EXT2: variants seen among roughly 807,000 people sequenced by gnomAD.
EXT2 encodes exostosin-2.
EXT2 carries 53 observed loss-of-function variants against 81.6 expected under a neutral mutation model. The ratio of observed to expected loss-of-function variants is 0.65; its 90% CI spans 0.52 to 0.82. The LOEUF is 0.82. EXT2 is among the 40% of genes least tolerant of loss of function. The pLI, the probability that EXT2 is intolerant of heterozygous loss-of-function variation, is 0.00. For synonymous variants in EXT2, 320 were observed against 340.0 expected (o/e 0.94, Z 0.65); for missense variants, 774 against 910.2 (o/e 0.85, Z 1.93).
intron 7 of EXT2, among the ~76,000 whole-genome samples, chr11:44,135,299 G>C (rs1332534075): frequency 6.6e-6 from 1 of 152,000 alleles, no homozygotes; most frequent in Non-Finnish European, 1.5e-5. Context: ...GTTTGGAAGA[G>C]ACACATTTAA....
At chr11:44,213,062 GA>G (rs1023995587) in intron 10 of EXT2, among the ~76,000 whole-genome samples, 15 of 150,818 alleles carry the variant, frequency 9.9e-5, no homozygotes, top group East Asian at 9.7e-4. Context: ...TTCAAAACTT[GA>G]AAAAAAAATT....
At chr11:44,171,121 C>T (rs1483571336) in intron 7 of EXT2, among the ~76,000 whole-genome samples, 2 of 152,058 alleles carry the variant, frequency 1.3e-5, no homozygotes, top group Non-Finnish European at 2.9e-5. Context: ...GAGCAGACAC[C>T]ACAATTGTAA....
intron 7 of EXT2, among the ~76,000 whole-genome samples, chr11:44,137,948 T>G (rs1035448749): frequency 6.6e-6 from 1 of 152,162 alleles, no homozygotes; most frequent in African/African-American, 2.4e-5. Context: ...ACATAAATTA[T>G]AAGGCCAGGA....
intron 8 of EXT2, among the ~76,000 whole-genome samples, chr11:44,182,807 A>T (rs1304259713): frequency 1.3e-5 from 2 of 152,200 alleles, no homozygotes; most frequent in African/African-American, 4.8e-5. Flanking sequence ...TAATCTGTAG[A>T]TCTTATTTCG....
chr11:44,187,251 C>T (rs1267772489), intron 8 of EXT2, among the ~76,000 whole-genome samples: 1 of 151,570 alleles, frequency 6.6e-6, no homozygotes, highest in Non-Finnish European at 1.5e-5. Context: ...GATCACAGCT[C>T]ACTGCAGCCT....
chr11:44,111,297 G>T (rs1954138973), intron 3 of EXT2, among the ~76,000 whole-genome samples: 1 of 151,966 alleles, frequency 6.6e-6, no homozygotes, highest in Admixed American at 6.6e-5. Flanking sequence ...TTGTGCAAGG[G>T]TCGAACAGCA....
chr11:44,199,612 G>A (rs887047389), intron 9 of EXT2, among the ~76,000 whole-genome samples: 20 of 152,366 alleles, frequency 1.3e-4, no homozygotes, highest in African/African-American at 4.3e-4. Context: ...ATGCAAAAGA[G>A]GCTTCTCCTT....
chr11:44,233,726 G>T (rs1955925146), intron 11 of EXT2, among the ~76,000 whole-genome samples: 1 of 151,984 alleles, frequency 6.6e-6, no homozygotes. Flanking sequence ...TCCAGAAATG[G>T]GTTTTTTTAT....
intron 2 of EXT2, 80 bp from the exon 3 acceptor site, chr11:44,109,114 G>C: frequency 6.7e-7 from 1 of 1,493,312 alleles, no homozygotes; most frequent in Non-Finnish European, 9.3e-7. Flanking sequence ...GGGGATCCTT[G>C]ATAGTTGTTG....
intron 7 of EXT2, among the ~76,000 whole-genome samples, chr11:44,135,659 T>C (rs1954555886): frequency 6.6e-6 from 1 of 152,178 alleles, no homozygotes; most frequent in East Asian, 1.9e-4. Context: ...CCCAAAGTGC[T>C]GGGATTACAG....
rs540304017 is a variant in EXT2 at position 44,207,032 on chromosome 11, G to A, written c.1662+73G>A. 1.9e-5 allele frequency: 29 copies of A among 1,507,046 alleles called. No homozygotes were observed. In the African/African-American group the frequency reaches 3.7e-4, roughly 19 times the overall value. The allele number at this position is 1,507,046 out of a possible 1,614,324, so 93.4% of individuals were successfully genotyped here. On this transcript the variant is annotated intron_variant, in intron 10 of 13. Transcript: ENST00000533608. ...ATGACTGCTTGTCTTTTCTAAAAAAGAGTATTATATTTCCTTCTTAAAAGT... is the reference window on the plus strand; with the variant it reads ...ATGACTGCTTGTCTTTTCTAAAAAAAAGTATTATATTTCCTTCTTAAAAGT...
intron 7 of EXT2, among the ~76,000 whole-genome samples, chr11:44,149,522 T>C (rs545994842): frequency 6.6e-6 from 1 of 152,358 alleles, no homozygotes; most frequent in South Asian, 2.1e-4. Context: ...GTAAAGAGCT[T>C]GTAAATACGT....
chr11:44,113,921 G>T (rs1954181608), intron 3 of EXT2, among the ~76,000 whole-genome samples: 1 of 152,140 alleles, frequency 6.6e-6, no homozygotes, highest in South Asian at 2.1e-4. Flanking sequence ...TCCGTAAGGT[G>T]TCCTCTGGAC....
At chr11:44,128,940 G>A (rs576769574) in intron 6 of EXT2, among the ~76,000 whole-genome samples, 5 of 152,344 alleles carry the variant, frequency 3.3e-5, no homozygotes, top group African/African-American at 1.2e-4. Flanking sequence ...CACACTTTCC[G>A]TCCTAATGGA....
Position 44,249,948 on chromosome 11 carries a change from T to TGGC in EXT2, c.*5661_*5662insGGC, listed in dbSNP as rs1488200569. Among the ~76,000 whole-genome samples the TGGC allele has an allele frequency of 6.6e-6, 1 of 152,184 alleles. No individual in the cohort carries two copies. Among genetic ancestry groups the TGGC allele is most frequent in the East Asian group, 1.9e-4 (1 of 5,194 alleles). On this transcript the variant is annotated 3_prime_UTR_variant, in exon 14 of 14. Transcript: ENST00000533608. ...AGCCGGGCATAGTGGCAGGCACCTGTAGCCCCAGCTACTCGGGAGGCTGAG... is the reference window on the plus strand; with the variant it reads ...AGCCGGGCATAGTGGCAGGCACCTGTGGCAGCCCCAGCTACTCGGGAGGCTGAG...
At position 44,130,135 on chromosome 11, in the gene EXT2, A is replaced by G. The variant is rs1162787702; in HGVS notation, c.1170A>G (p.Arg390=). The G allele has an allele frequency of 1.2e-6, 2 of 1,613,838 alleles. No homozygotes were observed. Among genetic ancestry groups the G allele is most frequent in the East Asian group, 2.2e-5 (1 of 44,878 alleles). ...IPQRQIEEMQ[R]QARWFWEAYF... is the part of the protein sequence containing the mutation. ...AAAGACAGATTGAAGAAATGCAGAG[A>G]CAGGTAAGAGGCCAAGTCTTGGGGA... The change falls in exon 7 of 14, where the codon AGA becomes AGG. Residue 390 remains arginine, a synonymous_variant. Coordinates refer to ENST00000533608, the MANE Select transcript of EXT2 (RefSeq NM_207122.2).
intron 9 of EXT2, among the ~76,000 whole-genome samples, chr11:44,200,487 C>T (rs1267563738): frequency 1.3e-5 from 2 of 152,150 alleles, no homozygotes; most frequent in Non-Finnish European, 2.9e-5. Flanking sequence ...GCCTTTCTTC[C>T]TTTAACTGAC....
chr11:44,198,497 G>T (rs1361210841), intron 9 of EXT2, among the ~76,000 whole-genome samples: 1 of 152,096 alleles, frequency 6.6e-6, no homozygotes, highest in Non-Finnish European at 1.5e-5. Context: ...AGTTCCCATT[G>T]GTTCTTCCTT....
rs547398863 is a variant in EXT2, at chr11:44,150,433, G to T, written c.1173+20295G>T. 2.0e-5 allele frequency among the ~76,000 whole-genome samples: 3 copies of T among 152,298 alleles called. No homozygotes were observed. In the South Asian group the frequency reaches 6.2e-4, roughly 32 times the overall value. ...TATTTTTAGAAGGATGGAAATGTGG[G>T]ATAAGGTAAAAAGAAAATTGAGATT... On this transcript the variant is annotated intron_variant, in intron 7 of 13. Coordinates refer to ENST00000533608, the MANE Select transcript of EXT2 (RefSeq NM_207122.2).
Sources: gnomAD v4.1 joint callset for allele counts (sites outside exome capture counted in the v4.1 genomes callset) on GRCh38, gnomAD v4.1.1 for gene constraint, MANE v1.5 for transcripts, NCBI Gene and HGNC (gene_info 2026-07-23, HGNC 2026-07-21) for gene names.